Variants in KCNN2 observed in about 807,000 individuals in gnomAD.
KCNN2 encodes small conductance calcium-activated potassium channel protein 2.
A neutral mutation model predicts 55.5 loss-of-function variants in KCNN2; 24 were observed. The ratio of observed to expected loss-of-function variants is 0.43; its 90% CI spans 0.31 to 0.61. The LOEUF (loss-of-function observed/expected upper bound fraction) is 0.61, where lower values mean the gene tolerates loss of function less well. Among genes scored for constraint, KCNN2 ranks in the 20% least tolerant of loss-of-function variants. The pLI is 0.08. For missense variants in KCNN2, 754 were observed against 853.6 expected, an observed-to-expected ratio of 0.88 and a Z score of 1.45; for synonymous variants, 431 against 336.1, an observed-to-expected ratio of 1.28 and a Z score of -3.09.
intron 2 of KCNN2, among the ~76,000 whole-genome samples, chr5:114,374,521 G>T (rs1757876568): frequency 6.6e-6 from 1 of 152,154 alleles, no homozygotes; most frequent in African/African-American, 2.4e-5. Context: ...ACAGTGGTCT[G>T]AAAGAACTGG....
chr5:114,276,829 A>G (rs1420081629), intron 2 of KCNN2, among the ~76,000 whole-genome samples: 1 of 151,998 alleles, frequency 6.6e-6, no homozygotes, highest in African/African-American at 2.4e-5. Context: ...CATTTAGTCC[A>G]TTTACATTTA....
Position 114,440,617 on chromosome 5 carries a change from CAGGTGTGATTAGATTTAA to C in KCNN2, c.1638-22429_1638-22412del, listed in dbSNP as rs147720789. ...AACTGAGGAGTTGGGTGACATGGTACAGGTGTGATTAGATTTAAAGCCTTCTAAGGGTCATGTACCTGC... is the reference window on the plus strand; with the variant it reads ...AACTGAGGAGTTGGGTGACATGGTACAGCCTTCTAAGGGTCATGTACCTGC... On this transcript the variant is annotated intron_variant, in intron 3 of 7. Coordinates refer to ENST00000673685, the MANE Select transcript of KCNN2 (RefSeq NM_021614.4). Among the ~76,000 whole-genome samples the C allele has an allele frequency of 5.3e-3, 646 of 122,306 alleles. 3 individuals carry two copies. The highest frequency in any genetic ancestry group is 0.013 in the Admixed American group (116 of 8,714). 80.2% of individuals were successfully genotyped at this position (122,306 alleles called of 152,430 possible).
intron 1 of KCNN2, among the ~76,000 whole-genome samples, chr5:114,198,687 T>C (rs1016561457): frequency 2.0e-5 from 3 of 151,978 alleles, no homozygotes; most frequent in African/African-American, 7.2e-5. Flanking sequence ...TAATTTTTGT[T>C]TTTAGTTTTT....
chr5:114,448,362 TTGAGAC>T (rs1355033125), intron 3 of KCNN2, among the ~76,000 whole-genome samples: 1 of 152,158 alleles, frequency 6.6e-6, no homozygotes, highest in Non-Finnish European at 1.5e-5. Flanking sequence ...TGGTTTGAGT[TTGAGAC>T]AGCTTCGTTC....
chr5:114,130,103 T>C (rs1387922843), intron 1 of KCNN2, among the ~76,000 whole-genome samples: 2 of 152,236 alleles, frequency 1.3e-5, no homozygotes, highest in Admixed American at 6.5e-5. Context: ...CCTGCTATCA[T>C]TTAAGAATGC....
chr5:114,152,320 G>A (rs967574422), intron 1 of KCNN2, among the ~76,000 whole-genome samples: 37 of 152,132 alleles, frequency 2.4e-4, no homozygotes, highest in African/African-American at 5.1e-4. Context: ...CACTTAAAAT[G>A]TATTTTATCT....
chr5:114,271,422 C>G (rs1755331659), intron 2 of KCNN2, among the ~76,000 whole-genome samples: 1 of 152,146 alleles, frequency 6.6e-6, no homozygotes, highest in Admixed American at 6.6e-5. Context: ...TCCCACCCGA[C>G]CCAGAAGCCG....
chr5:114,266,907 T>C (rs531472599), intron 2 of KCNN2, among the ~76,000 whole-genome samples: 10 of 152,292 alleles, frequency 6.6e-5, no homozygotes, highest in Non-Finnish European at 8.8e-5. Flanking sequence ...CATAAGATGA[T>C]GTGAGAAGTC....
intron 2 of KCNN2, among the ~76,000 whole-genome samples, chr5:114,333,885 A>G (rs566800598): frequency 6.6e-6 from 1 of 152,300 alleles, no homozygotes; most frequent in Non-Finnish European, 1.5e-5. Flanking sequence ...ACTATGTTCA[A>G]CTGAAACTGA....
chr5:114,214,464 G>A (rs1753960397), intron 1 of KCNN2, among the ~76,000 whole-genome samples: 1 of 151,996 alleles, frequency 6.6e-6, no homozygotes, highest in Non-Finnish European at 1.5e-5. Context: ...TACATTCTTG[G>A]TACTAGGCAA....
intron 1 of KCNN2, among the ~76,000 whole-genome samples, chr5:114,155,831 G>T (rs918100841): frequency 6.6e-6 from 1 of 152,172 alleles, no homozygotes; most frequent in Non-Finnish European, 1.5e-5. Context: ...CCTGTAGGTT[G>T]TCTGTTCACT....
intron 2 of KCNN2, among the ~76,000 whole-genome samples, chr5:114,273,602 C>T (rs1340828595): frequency 6.6e-6 from 1 of 152,150 alleles, no homozygotes; most frequent in Non-Finnish European, 1.5e-5. Context: ...CTCTAATGAC[C>T]AGTGATGATG....
intron 3 of KCNN2, among the ~76,000 whole-genome samples, chr5:114,414,183 A>G (rs533381605): frequency 6.6e-6 from 1 of 152,308 alleles, no homozygotes; most frequent in Non-Finnish European, 1.5e-5. Context: ...ACAATCATAG[A>G]AATGCAAGAC....
intron 2 of KCNN2, among the ~76,000 whole-genome samples, chr5:114,329,555 C>T (rs998900877): frequency 1.3e-5 from 2 of 152,112 alleles, no homozygotes; most frequent in African/African-American, 2.4e-5. Flanking sequence ...CAGGGGCTTT[C>T]GGGCCTTCGG....
intron 3 of KCNN2, among the ~76,000 whole-genome samples, chr5:114,417,833 T>C (rs1337217033): frequency 6.6e-6 from 1 of 152,192 alleles, no homozygotes; most frequent in Non-Finnish European, 1.5e-5. Flanking sequence ...ACAAAAGCCT[T>C]ATCTGAATCA....
At chr5:114,090,050 T>A (rs887485184) in intron 1 of KCNN2, among the ~76,000 whole-genome samples, 4 of 152,192 alleles carry the variant, frequency 2.6e-5, no homozygotes, top group Admixed American at 2.0e-4. Flanking sequence ...TCAATGGATA[T>A]CCCTTAATTA....
chr5:114,339,308 C>T (rs899538287), intron 2 of KCNN2, among the ~76,000 whole-genome samples: 3 of 152,196 alleles, frequency 2.0e-5, no homozygotes, highest in Non-Finnish European at 4.4e-5. Flanking sequence ...TACTGTCAAC[C>T]TTTACACCCT....
intron 2 of KCNN2, among the ~76,000 whole-genome samples, chr5:114,224,613 G>A (rs6594801): frequency 0.35 from 53,700 of 152,046 alleles, 10,062 homozygotes; most frequent in East Asian, 0.7. Flanking sequence ...TGGAGGTGTG[G>A]GAGTGATCTC....
chr5:114,488,462 G>GA (rs1747683153), intron 6 of KCNN2, among the ~76,000 whole-genome samples: 1 of 152,032 alleles, frequency 6.6e-6, no homozygotes, highest in African/African-American at 2.4e-5. Context: ...TTAAAATAAG[G>GA]AAAAACACAG....
Sources: allele counts gnomAD v4.1 joint callset (sites outside exome capture counted in the v4.1 genomes callset), GRCh38; gene constraint gnomAD v4.1.1; transcripts MANE v1.5; gene names NCBI Gene and HGNC (gene_info 2026-07-23, HGNC 2026-07-21).